The following SLC22A25 variants were observed in gnomAD, a reference collection of about 807,000 sequenced individuals.
The protein encoded by SLC22A25 is solute carrier family 22 member 25.
A neutral mutation model predicts 45.9 loss-of-function variants in SLC22A25; 44 were observed. The ratio of observed to expected loss-of-function variants is 0.96; its 90% CI spans 0.75 to 1.23. The LOEUF (loss-of-function observed/expected upper bound fraction) is 1.23, where lower values mean the gene tolerates loss of function less well. Ranked by LOEUF, SLC22A25 falls within the 50% of genes most tolerant of loss-of-function variation. SLC22A25 has a pLI of 0.00. For synonymous variants in SLC22A25, 283 were observed against 238.6 expected, an observed-to-expected ratio of 1.19 and a Z score of -1.72; for missense variants, 800 against 666.4, an observed-to-expected ratio of 1.20 and a Z score of -2.21.
At position 63,163,902 on chromosome 11, in the gene SLC22A25, A is replaced by T; in HGVS notation, c.1566T>A (p.Pro522=). 2 of 1,613,908 alleles carry T rather than the reference A, an allele frequency of 1.2e-6. No individual in the cohort carries two copies. Among genetic ancestry groups the T allele is most frequent in the Non-Finnish European group, 1.7e-6 (2 of 1,179,894 alleles). The change falls in exon 12 of 12, where the codon CCT becomes CCA. Residue 522 remains proline, a synonymous_variant. Coordinates refer to ENST00000306494, the MANE Select transcript of SLC22A25 (RefSeq NM_199352.6). The part of the protein sequence containing the change: ...VLLLPETRNQ[P]LLDSIQDVEN... Reference sequence around the variant, plus strand: ...CCACATCCTGGATGCTGTCAAGAAGAGGCTGGTTCCTGGTTTCAGGAAGGA... The same window carrying T: ...CCACATCCTGGATGCTGTCAAGAAGTGGCTGGTTCCTGGTTTCAGGAAGGA...
rs941673163 is a variant in SLC22A25 at position 63,238,740 on chromosome 11, G to A, written c.-600C>T. 4.3e-5 allele frequency: 9 copies of A among 209,242 alleles called. No individual in the cohort carries two copies. The highest frequency in any genetic ancestry group is 4.2e-4 in the Admixed American group (9 of 21,488). The allele number at this position is 209,242 out of a possible 1,614,324, so 13.0% of individuals were successfully genotyped here. ...ACCCAGTCACGATGGTGGAGAGGAAGGAGCTTCTGTTGTACACCCTGCTGT... is the reference window on the plus strand; with the variant it reads ...ACCCAGTCACGATGGTGGAGAGGAAAGAGCTTCTGTTGTACACCCTGCTGT... On this transcript the variant is annotated 5_prime_UTR_variant, in exon 2 of 12. Transcript: ENST00000306494.
At position 63,229,373 on chromosome 11, in the gene SLC22A25, G is replaced by A. The variant is rs766375939; in HGVS notation, c.280C>T (p.Pro94Ser). 1.9e-6 allele frequency: 3 copies of A among 1,614,000 alleles called. No individual in the cohort carries two copies. The highest frequency in any genetic ancestry group is 2.5e-6 in the Non-Finnish European group (3 of 1,179,978). Reference sequence around the variant, plus strand: ...TTCAGATGAATGAGCTTCCACTGGGGATGGACAAAGCGACGACACTTCTCT... The same window carrying A: ...TTCAGATGAATGAGCTTCCACTGGGAATGGACAAAGCGACGACACTTCTCT... ...RPEKCRRFVH[P>S]QWKLIHLNGT... Residue 94 changes from proline to serine, a missense_variant, in exon 4 of 12, where the codon CCC becomes TCC. Pro to Ser is a moderately conservative substitution (Grantham distance 74). Transcript: ENST00000306494.
intron 7 of SLC22A25, among the ~76,000 whole-genome samples, chr11:63,192,393 T>C (rs1007995660): frequency 6.6e-6 from 1 of 152,044 alleles, no homozygotes; most frequent in African/African-American, 2.4e-5. Context: ...CACACTGAAG[T>C]ACACAGGACA....
intron 5 of SLC22A25, among the ~76,000 whole-genome samples, chr11:63,223,371 A>C (rs1413833990): frequency 6.6e-6 from 1 of 152,000 alleles, no homozygotes; most frequent in Admixed American, 6.5e-5. Context: ...TGTATCTAGG[A>C]ATTTACCCAT....
At chr11:63,172,913 G>C (rs1565066025) in intron 9 of SLC22A25, among the ~76,000 whole-genome samples, 1 of 152,046 alleles carries the variant, frequency 6.6e-6, no homozygotes, top group Non-Finnish European at 1.5e-5. Context: ...AAGGACACAT[G>C]CACATGTATG....
intron 9 of SLC22A25, chr11:63,166,727 C>T: frequency 1.0e-6 from 1 of 991,296 alleles, no homozygotes; most frequent in Non-Finnish European, 1.2e-6. Flanking sequence ...TTATTGGGTA[C>T]AGATTGTATA....
chr11:63,172,356 G>A (rs897352826), intron 9 of SLC22A25, among the ~76,000 whole-genome samples: 8 of 151,990 alleles, frequency 5.3e-5, no homozygotes, highest in Non-Finnish European at 1.2e-4. Context: ...GAGTGAACAG[G>A]CAACCTACAG....
At chr11:63,242,912 C>T (rs901906391) in intron 1 of SLC22A25, among the ~76,000 whole-genome samples, 2 of 152,204 alleles carry the variant, frequency 1.3e-5, no homozygotes, top group Non-Finnish European at 2.9e-5. Context: ...CCTCACCTCT[C>T]TTCTCCTCCA....
At chr11:63,194,889 GCAAAAAAAAAAAAAAAAAAAAA>G (rs2088953347) in intron 7 of SLC22A25, among the ~76,000 whole-genome samples, 1 of 14,288 alleles carries the variant, frequency 7.0e-5, no homozygotes, top group Non-Finnish European at 1.4e-4. Context: ...CAAATGGAAA[GCAAAAAAAAAAAAAAAAAAAAA>G]AAAAAAAAAA....
chr11:63,179,037 C>T (rs556378692), intron 9 of SLC22A25, among the ~76,000 whole-genome samples: 1 of 152,068 alleles, frequency 6.6e-6, no homozygotes, highest in South Asian at 2.1e-4. Context: ...TCTTGGCTCA[C>T]TGCAACCTCC....
chr11:63,233,964 C>T (rs2090117941), intron 3 of SLC22A25, among the ~76,000 whole-genome samples: 1 of 152,130 alleles, frequency 6.6e-6, no homozygotes, highest in African/African-American at 2.4e-5. Flanking sequence ...GTTTCTTAAT[C>T]CTGAGTTCTA....
chr11:63,226,866 T>A (rs936494031), intron 5 of SLC22A25, among the ~76,000 whole-genome samples: 1 of 152,108 alleles, frequency 6.6e-6, no homozygotes, highest in Non-Finnish European at 1.5e-5. Flanking sequence ...CAAGACAAAA[T>A]CCTTTCCACT....
intron 3 of SLC22A25, 51 bp downstream of exon 3, chr11:63,237,830 A>G (rs1486695653): frequency 6.6e-6 from 1 of 152,200 alleles, no homozygotes; most frequent in Non-Finnish European, 1.5e-5. Context: ...GTGATTTGCA[A>G]TAAATATTTC....
At chr11:63,206,452 A>G (rs2089406260) in intron 7 of SLC22A25, among the ~76,000 whole-genome samples, 1 of 152,254 alleles carries the variant, frequency 6.6e-6, no homozygotes, top group Non-Finnish European at 1.5e-5. Context: ...AGGATACAAA[A>G]TCAATGTGCA....
intron 3 of SLC22A25, among the ~76,000 whole-genome samples, chr11:63,235,192 C>T (rs184387457): frequency 2.0e-4 from 30 of 152,232 alleles, no homozygotes; most frequent in African/African-American, 7.0e-4. Flanking sequence ...TGTTGGCCTG[C>T]CTTGCTAGAT....
chr11:63,217,602 T>G lies in SLC22A25; in HGVS notation c.640A>C (p.Ile214Leu). The change falls in exon 6 of 12, where the codon ATT (isoleucine) becomes CTT (leucine). Residue 214 changes from isoleucine (I) to leucine (L), a missense_variant. By Grantham distance (5) the Ile-to-Leu change is conservative (BLOSUM62 2). Coordinates refer to ENST00000306494, the MANE Select transcript of SLC22A25 (RefSeq NM_199352.6). Reference protein sequence around the residue: ...FLAGAATFSIIVNTVLLIVEW... With the variant: ...FLAGAATFSILVNTVLLIVEW... Reference sequence around the variant, plus strand: ...TTACTTAACAAAACAGTATTTACAATGATGCTAAATGTAGCAGCCCCAGCC... The same window carrying G: ...TTACTTAACAAAACAGTATTTACAAGGATGCTAAATGTAGCAGCCCCAGCC... 6.2e-6 allele frequency: 10 copies of G among 1,613,438 alleles called. No homozygotes were observed. The highest frequency in any genetic ancestry group is 8.5e-6 in the Non-Finnish European group (10 of 1,179,846).
intron 8 of SLC22A25, among the ~76,000 whole-genome samples, chr11:63,183,268 G>GAATATATGAC (rs1182185415): frequency 6.6e-6 from 1 of 152,036 alleles, no homozygotes; most frequent in Non-Finnish European, 1.5e-5. Flanking sequence ...TTGAATGAAA[G>GAATATATGAC]AATATATGAC....
At chr11:63,196,345 A>T (rs1407910657) in intron 7 of SLC22A25, among the ~76,000 whole-genome samples, 1 of 152,244 alleles carries the variant, frequency 6.6e-6, no homozygotes, top group Non-Finnish European at 1.5e-5. Context: ...ACATCGATGC[A>T]AAAATCCTCA....
chr11:63,234,777 G>A (rs981773584), intron 3 of SLC22A25, among the ~76,000 whole-genome samples: 5 of 152,122 alleles, frequency 3.3e-5, no homozygotes, highest in South Asian at 2.1e-4. Flanking sequence ...GGCTGGTACC[G>A]GTTGTTCCTT....
Sources: gnomAD v4.1 joint callset for allele counts (sites outside exome capture counted in the v4.1 genomes callset) on GRCh38, gnomAD v4.1.1 for gene constraint, MANE v1.5 for transcripts, NCBI Gene and HGNC (gene_info 2026-07-23, HGNC 2026-07-21) for gene names.